The following IPCEF1 variants were observed in gnomAD, a reference collection of about 807,000 sequenced individuals.
The protein encoded by IPCEF1 is interactor protein for cytohesin exchange factors 1.
A neutral mutation model predicts 50.9 loss-of-function variants in IPCEF1; 31 were observed. The observed-to-expected ratio is 0.61, with a 90% CI of 0.46 to 0.82. The LOEUF is 0.82. Among genes scored for constraint, IPCEF1 ranks in the 40% least tolerant of loss-of-function variants. The pLI is 0.00. For synonymous variants in IPCEF1, 181 were observed against 192.0 expected, an observed-to-expected ratio of 0.94 and a Z score of 0.47; for missense variants, 458 against 514.0, an observed-to-expected ratio of 0.89 and a Z score of 1.05.
At chr6:154,204,809 C>T (rs1777356338) in intron 9 of IPCEF1, among the ~76,000 whole-genome samples, 1 of 152,172 alleles carries the variant, frequency 6.6e-6, no homozygotes, top group African/African-American at 2.4e-5. Flanking sequence ...GCAGAAAACC[C>T]TCTTATAACT....
rs544136722 is a variant in IPCEF1 at position 154,203,610 on chromosome 6, G to C, written c.538-3570C>G. 8.5e-5 allele frequency among the ~76,000 whole-genome samples: 13 copies of C among 152,232 alleles called. No individual in the cohort carries two copies. In the East Asian group the frequency reaches 2.5e-3, roughly 29 times the overall value. On this transcript the variant is annotated intron_variant, in intron 9 of 11. Transcript: ENST00000367220. ...CTGCAGGACCCACTGTGGGACTTGA[G>C]TATGCACAGACTTTGGTCTCCATGG...
At chr6:154,270,708 G>A (rs1307643606) in intron 2 of IPCEF1, among the ~76,000 whole-genome samples, 1 of 152,192 alleles carries the variant, frequency 6.6e-6, no homozygotes, top group African/African-American at 2.4e-5. Flanking sequence ...AGGTACGGTG[G>A]CTCACGCCTC....
intron 1 of IPCEF1, among the ~76,000 whole-genome samples, chr6:154,350,990 G>C (rs1013386916): frequency 6.6e-6 from 1 of 152,176 alleles, no homozygotes; most frequent in African/African-American, 2.4e-5. Flanking sequence ...AAAGTGCTAG[G>C]ATTACAGGCA....
chr6:154,176,950 C>A (rs1800385807), intron 10 of IPCEF1, among the ~76,000 whole-genome samples: 1 of 151,984 alleles, frequency 6.6e-6, no homozygotes, highest in Non-Finnish European at 1.5e-5. Flanking sequence ...AGATATAGAC[C>A]AATGGAACAG....
At chr6:154,241,286 C>G (rs1583884707) in intron 5 of IPCEF1, among the ~76,000 whole-genome samples, 1 of 148,910 alleles carries the variant, frequency 6.7e-6, no homozygotes, top group Non-Finnish European at 1.5e-5. Context: ...TTGGATGATT[C>G]ATTTTTTCTA....
At chr6:154,273,729 T>C (rs1562575008) in intron 2 of IPCEF1, among the ~76,000 whole-genome samples, 20 of 18,638 alleles carry the variant, frequency 1.1e-3, no homozygotes, top group African/African-American at 3.9e-3. Flanking sequence ...TCTTTCTTTT[T>C]TTTTTTTTTT....
intron 6 of IPCEF1, among the ~76,000 whole-genome samples, chr6:154,221,754 G>C (rs1177535657): frequency 2.0e-5 from 3 of 152,012 alleles, no homozygotes; most frequent in Non-Finnish European, 2.9e-5. Context: ...GGCACCTCTA[G>C]TCCCAGCTAC....
At chr6:154,259,600 C>T (rs1378122455) in intron 3 of IPCEF1, among the ~76,000 whole-genome samples, 5 of 151,882 alleles carry the variant, frequency 3.3e-5, no homozygotes, top group African/African-American at 4.8e-5. Context: ...TGTGGTGAAC[C>T]GAGATCGCTC....
intron 3 of IPCEF1, among the ~76,000 whole-genome samples, chr6:154,260,818 ATTAT>A (rs1243716390): frequency 5.3e-5 from 8 of 151,900 alleles, no homozygotes; most frequent in South Asian, 2.1e-4. Context: ...ATATGCTAGT[ATTAT>A]TTATTTATTT....
In IPCEF1 at chr6:154,222,662, T is replaced by G. The variant is rs116688874; in HGVS notation, c.320+508A>C. Among the ~76,000 whole-genome samples, 1,123 of 152,280 alleles carry G rather than the reference T, an allele frequency of 7.4e-3. 15 individuals carry two copies. The highest frequency in any genetic ancestry group is 0.025 in the African/African-American group (1,046 of 41,548). ...AGGACCATGAGCTGGTAATTTTTTT[T>G]GGTCCCTGTCAGTGCTCAAATCTTT... On this transcript the variant is annotated intron_variant, in intron 6 of 11. Transcript: ENST00000367220.
intron 7 of IPCEF1, 85 bp downstream of exon 7, chr6:154,221,172 T>C: frequency 5.4e-6 from 5 of 925,256 alleles, no homozygotes; most frequent in Non-Finnish European, 8.6e-6. Flanking sequence ...ATAATTGATA[T>C]GGACATATGA....
At chr6:154,191,251 G>GAT (rs1801853958) in intron 10 of IPCEF1, among the ~76,000 whole-genome samples, 2 of 152,146 alleles carry the variant, frequency 1.3e-5, no homozygotes, top group Admixed American at 6.5e-5. Context: ...AGGGTAGAAG[G>GAT]ATGAATAGAT....
chr6:154,270,783 C>T (rs62435672), intron 2 of IPCEF1, among the ~76,000 whole-genome samples: 15,671 of 152,132 alleles, frequency 0.1, 907 homozygotes, highest in Non-Finnish European at 0.12. Context: ...CAAGACCAGC[C>T]TGGCCAACAT....
chr6:154,214,400 G>C, intron 7 of IPCEF1, 124 bp from the exon 8 acceptor site: 3 of 764,674 alleles, frequency 3.9e-6, no homozygotes, highest in Admixed American at 3.9e-5. Flanking sequence ...TTTCCAGAAA[G>C]AGCATAAGTT....
chr6:154,326,622 G>A (rs1298433117), intron 1 of IPCEF1, among the ~76,000 whole-genome samples: 1 of 152,200 alleles, frequency 6.6e-6, no homozygotes, highest in Non-Finnish European at 1.5e-5. Flanking sequence ...TTAATATCAT[G>A]AGAATGGCCA....
At chr6:154,345,700 G>T (rs569045421) in intron 1 of IPCEF1, among the ~76,000 whole-genome samples, 1 of 152,064 alleles carries the variant, frequency 6.6e-6, no homozygotes, top group South Asian at 2.1e-4. Context: ...GAATATCTGA[G>T]CTTTCCTATG....
intron 1 of IPCEF1, among the ~76,000 whole-genome samples, chr6:154,322,504 G>T (rs1025813710): frequency 1.3e-4 from 20 of 151,802 alleles, no homozygotes; most frequent in African/African-American, 4.8e-4. Context: ...AAAAATAAAA[G>T]ACTTAAAGAC....
intron 1 of IPCEF1, among the ~76,000 whole-genome samples, chr6:154,327,456 T>C (rs530777500): frequency 5.9e-5 from 9 of 151,700 alleles, no homozygotes; most frequent in Non-Finnish European, 1.0e-4. Context: ...CCAAAAAACA[T>C]ATGGGGAAAA....
intron 2 of IPCEF1, among the ~76,000 whole-genome samples, chr6:154,281,004 A>T (rs779000902): frequency 5.9e-5 from 9 of 151,920 alleles, no homozygotes; most frequent in Admixed American, 2.6e-4. Context: ...GTTTGAGACC[A>T]GCTTGAGCAA....
Sources: allele counts gnomAD v4.1 joint callset (sites outside exome capture counted in the v4.1 genomes callset), GRCh38; gene constraint gnomAD v4.1.1; transcripts MANE v1.5; gene names NCBI Gene and HGNC (gene_info 2026-07-23, HGNC 2026-07-21).